The following DCBLD2 variants were observed in gnomAD, a reference collection of about 807,000 sequenced individuals.
DCBLD2 encodes discoidin, CUB and LCCL domain containing 2.
DCBLD2 carries 54 observed loss-of-function variants against 86.8 expected under a neutral mutation model. The ratio of observed to expected loss-of-function variants is 0.62; its 90% CI spans 0.50 to 0.78. The LOEUF is 0.78. Among genes scored for constraint, DCBLD2 ranks in the 30% least tolerant of loss-of-function variants. The pLI, the probability that DCBLD2 is intolerant of heterozygous loss-of-function variation, is 0.00. For missense variants in DCBLD2, 908 were observed against 954.2 expected, an observed-to-expected ratio of 0.95 and a Z score of 0.64; for synonymous variants, 354 against 341.3, an observed-to-expected ratio of 1.04 and a Z score of -0.41.
At chr3:98,833,086 C>T (rs1440738607) in intron 3 of DCBLD2, among the ~76,000 whole-genome samples, 1 of 152,168 alleles carries the variant, frequency 6.6e-6, no homozygotes, top group African/African-American at 2.4e-5. Context: ...GATTTGGCTT[C>T]TTTATATAAT....
rs368455351 is a variant in DCBLD2, at chr3:98,822,341, A to G, written c.717T>C (p.Ala239=). The stretch of plus-strand genomic sequence containing the variant: ...TTGACACTACTCCTGCATGCACACC[A>G]GCCATGCACAATGGCGAGGACTTAA... The part of the protein sequence containing the change: ...GYRDSSPLCM[A]GVHAGVVSNT... Residue 239 remains alanine (A), a synonymous_variant, in exon 6 of 16, where the codon GCT becomes GCC. Coordinates refer to ENST00000326840, the MANE Select transcript of DCBLD2 (RefSeq NM_080927.4). The G allele has an allele frequency of 1.2e-6, 2 of 1,613,592 alleles. No individual in the cohort carries two copies. Among genetic ancestry groups the G allele is most frequent in the African/African-American group, 2.7e-5 (2 of 74,922 alleles).
intron 2 of DCBLD2, among the ~76,000 whole-genome samples, chr3:98,857,694 C>T (rs978668475): frequency 7.2e-5 from 11 of 152,140 alleles, no homozygotes; most frequent in African/African-American, 2.7e-4. Flanking sequence ...TTTACAATCC[C>T]TTAGCTAGAC....
At chr3:98,810,272 T>C (rs1941916065) in intron 12 of DCBLD2, among the ~76,000 whole-genome samples, 3 of 152,230 alleles carry the variant, frequency 2.0e-5, no homozygotes, top group Non-Finnish European at 4.4e-5. Context: ...TGAGATCTCC[T>C]GCCTCTGAGA....
chr3:98,839,024 T>TGGGGAGGGGGAG (rs776972713), intron 3 of DCBLD2, among the ~76,000 whole-genome samples: 1 of 149,778 alleles, frequency 6.7e-6, no homozygotes, highest in Non-Finnish European at 1.5e-5. Flanking sequence ...AGGGAGACCG[T>TGGGGAGGGGGAG]CGGGAGAGGG....
intron 2 of DCBLD2, among the ~76,000 whole-genome samples, chr3:98,880,854 T>G (rs567022736): frequency 6.6e-6 from 1 of 152,364 alleles, no homozygotes; most frequent in Admixed American, 6.5e-5. Context: ...TCCAAAACCC[T>G]TGTTTTTAAT....
At chr3:98,883,254 A>C (rs1943503758) in intron 1 of DCBLD2, among the ~76,000 whole-genome samples, 1 of 152,172 alleles carries the variant, frequency 6.6e-6, no homozygotes, top group South Asian at 2.1e-4. Flanking sequence ...CTATGTACGA[A>C]AGATTATGCA....
chr3:98,826,880 T>A (rs994462243), intron 3 of DCBLD2, among the ~76,000 whole-genome samples: 43 of 152,166 alleles, frequency 2.8e-4, no homozygotes, highest in African/African-American at 1.0e-3. Context: ...GGGTAGCCAA[T>A]ATACCCTTGA....
intron 3 of DCBLD2, among the ~76,000 whole-genome samples, chr3:98,833,711 G>A (rs1210924736): frequency 3.3e-5 from 5 of 152,136 alleles, no homozygotes; most frequent in Non-Finnish European, 7.3e-5. Context: ...ACCACTTTTT[G>A]GTGAGATGGG....
chr3:98,872,324 T>C (rs896740382), intron 2 of DCBLD2, among the ~76,000 whole-genome samples: 2 of 152,152 alleles, frequency 1.3e-5, no homozygotes, highest in Admixed American at 1.3e-4. Flanking sequence ...ACTGGATTAG[T>C]TACCATGACA....
chr3:98,822,164 C>A, intron 6 of DCBLD2, 64 bp downstream of exon 6: 1 of 1,584,654 alleles, frequency 6.3e-7, no homozygotes. Context: ...TAGTTCTTAG[C>A]CCAGTGCTAC....
chr3:98,876,252 T>C (rs901688854), intron 2 of DCBLD2, among the ~76,000 whole-genome samples: 20 of 151,134 alleles, frequency 1.3e-4, no homozygotes, highest in African/African-American at 4.6e-4. Flanking sequence ...GATGGGCAAA[T>C]GGTGTGTGCC....
chr3:98,809,031 A>ATG, intron 12 of DCBLD2, among the ~76,000 whole-genome samples: 1 of 152,252 alleles, frequency 6.6e-6, no homozygotes. Context: ...ATATATATAT[A>ATG]TATGGGAAGG....
intron 7 of DCBLD2, 101 bp from the exon 8 acceptor site, chr3:98,819,518 C>A: frequency 8.5e-7 from 1 of 1,170,078 alleles, no homozygotes; most frequent in Non-Finnish European, 1.2e-6. Context: ...AATTAACATA[C>A]ACTACACTAA....
At chr3:98,845,830 G>A (rs1163530076) in intron 3 of DCBLD2, among the ~76,000 whole-genome samples, 8 of 152,056 alleles carry the variant, frequency 5.3e-5, no homozygotes, top group African/African-American at 1.9e-4. Flanking sequence ...GTTCCCTTCT[G>A]TAGAATGTTT....
At chr3:98,886,808 C>CCCA (rs1414468381) in intron 1 of DCBLD2, among the ~76,000 whole-genome samples, 1 of 125,274 alleles carries the variant, frequency 8.0e-6, no homozygotes, top group South Asian at 3.0e-4. Flanking sequence ...AAACCCCCCC[C>CCCA]CTTTTTTTTT....
At chr3:98,836,643 G>A (rs1217111570) in intron 3 of DCBLD2, among the ~76,000 whole-genome samples, 2 of 136,732 alleles carry the variant, frequency 1.5e-5, no homozygotes, top group African/African-American at 2.7e-5. Context: ...GCCGGGCAGA[G>A]GGGCTCCTCA....
intron 13 of DCBLD2, among the ~76,000 whole-genome samples, chr3:98,805,909 AAG>A (rs1941830501): frequency 6.6e-6 from 1 of 151,246 alleles, no homozygotes; most frequent in Non-Finnish European, 1.5e-5. Flanking sequence ...AGCAGTGGGT[AAG>A]AGCACGATCT....
At chr3:98,870,127 G>C (rs185946017) in intron 2 of DCBLD2, among the ~76,000 whole-genome samples, 68 of 151,176 alleles carry the variant, frequency 4.5e-4, no homozygotes, top group African/African-American at 1.6e-3. Flanking sequence ...GACGGTGAGA[G>C]ATAGGGAACC....
intron 3 of DCBLD2, among the ~76,000 whole-genome samples, chr3:98,829,518 A>C (rs1202990669): frequency 6.6e-6 from 1 of 152,204 alleles, no homozygotes; most frequent in Non-Finnish European, 1.5e-5. Flanking sequence ...CTTAAAAGTA[A>C]GAACATGTGG....
Sources: allele counts gnomAD v4.1 joint callset (sites outside exome capture counted in the v4.1 genomes callset), GRCh38; gene constraint gnomAD v4.1.1; transcripts MANE v1.5; gene names NCBI Gene and HGNC (gene_info 2026-07-23, HGNC 2026-07-21).